Variants in RABGAP1L observed in about 807,000 individuals in gnomAD.
RABGAP1L encodes RAB GTPase activating protein 1 like, also known as rab GTPase-activating protein 1-like.
Under a neutral mutation model 137.7 loss-of-function variants are expected in RABGAP1L, and 63 were observed. The ratio of observed to expected loss-of-function variants is 0.46; its 90% CI spans 0.37 to 0.56. The LOEUF is 0.56. Ranked by LOEUF, RABGAP1L falls within the 20% of genes least tolerant of loss-of-function variation. The pLI, the probability that RABGAP1L is intolerant of heterozygous loss-of-function variation, is 0.00. For missense variants in RABGAP1L, 1,095 were observed against 1,244.0 expected (o/e 0.88, Z 1.80); for synonymous variants, 431 against 433.7 (o/e 0.99, Z 0.08).
At chr1:174,269,854 A>G (rs1331226591) in intron 7 of RABGAP1L, among the ~76,000 whole-genome samples, 1 of 152,104 alleles carries the variant, frequency 6.6e-6, no homozygotes, top group Non-Finnish European at 1.5e-5. Flanking sequence ...TGGGATAGCA[A>G]TTTGCTTTTT....
chr1:174,990,133 T>C lies in RABGAP1L; in HGVS notation c.*132T>C. On this transcript the variant is annotated 3_prime_UTR_variant, in exon 26 of 26. Transcript: ENST00000681986. ...GCCAGAATTTTTCAGTAGCTCTCACTCTTTCTTGTATGACACTTTTCAAAG... is the reference window on the plus strand; with the variant it reads ...GCCAGAATTTTTCAGTAGCTCTCACCCTTTCTTGTATGACACTTTTCAAAG... 8.6e-7 allele frequency: 1 copy of C among 1,160,310 alleles called. No individual in the cohort carries two copies. The highest frequency in any genetic ancestry group is 1.2e-6 in the Non-Finnish European group (1 of 839,672). The allele number at this position is 1,160,310 out of a possible 1,614,324, so 71.9% of individuals were successfully genotyped here.
At chr1:174,683,929 C>T (rs1395747743) in intron 15 of RABGAP1L, among the ~76,000 whole-genome samples, 1 of 152,148 alleles carries the variant, frequency 6.6e-6, no homozygotes, top group African/African-American at 2.4e-5. Context: ...CAAGGAAGTC[C>T]TTTATCATTT....
At chr1:174,854,670 A>C (rs142712037) in intron 19 of RABGAP1L, among the ~76,000 whole-genome samples, 1 of 147,856 alleles carries the variant, frequency 6.8e-6, no homozygotes, top group Non-Finnish European at 1.5e-5. Context: ...TGAAAAAAAA[A>C]CTTTTACCTT....
At chr1:174,222,357 T>C (rs570838058) in intron 3 of RABGAP1L, among the ~76,000 whole-genome samples, 1 of 152,292 alleles carries the variant, frequency 6.6e-6, no homozygotes, top group East Asian at 1.9e-4. Context: ...AGGGTAAGTA[T>C]AGGTATAGCC....
At chr1:174,576,601 G>A (rs1668391714) in intron 13 of RABGAP1L, among the ~76,000 whole-genome samples, 1 of 152,092 alleles carries the variant, frequency 6.6e-6, no homozygotes, top group Non-Finnish European at 1.5e-5. Context: ...TTATTCCATA[G>A]CAGTAGTTTC....
At chr1:174,628,588 T>TA (rs1248406111) in intron 13 of RABGAP1L, among the ~76,000 whole-genome samples, 2 of 152,152 alleles carry the variant, frequency 1.3e-5, no homozygotes, top group Non-Finnish European at 2.9e-5. Flanking sequence ...GAGGAAACTG[T>TA]AGTTTAGCAA....
At chr1:174,590,547 G>C (rs1207807632) in intron 13 of RABGAP1L, among the ~76,000 whole-genome samples, 1 of 94,944 alleles carries the variant, frequency 1.1e-5, no homozygotes, top group Non-Finnish European at 2.0e-5. Context: ...TCCCCTTCCT[G>C]TGTCCAAGTG....
intron 18 of RABGAP1L, among the ~76,000 whole-genome samples, chr1:174,760,623 G>A (rs1467597378): frequency 6.6e-6 from 1 of 152,136 alleles, no homozygotes; most frequent in Non-Finnish European, 1.5e-5. Context: ...ATAGTGCTGC[G>A]ATGAACATGC....
chr1:174,982,140 C>CT (rs1441803428), intron 23 of RABGAP1L, among the ~76,000 whole-genome samples: 1 of 151,800 alleles, frequency 6.6e-6, no homozygotes. Context: ...CACTCTGCCA[C>CT]CTTTTTTTAA....
At chr1:174,613,254 G>A (rs1194644048) in intron 13 of RABGAP1L, among the ~76,000 whole-genome samples, 1 of 152,036 alleles carries the variant, frequency 6.6e-6, no homozygotes, top group East Asian at 1.9e-4. Context: ...CTGGTATGTT[G>A]TGTCTTTGTT....
intron 13 of RABGAP1L, among the ~76,000 whole-genome samples, chr1:174,531,435 GATAAAA>G (rs1047371281): frequency 2.6e-5 from 4 of 152,074 alleles, no homozygotes; most frequent in African/African-American, 9.7e-5. Flanking sequence ...TTCAGATTTA[GATAAAA>G]ATAGGAAAAA....
chr1:174,467,130 A>G (rs1429497655), intron 13 of RABGAP1L, among the ~76,000 whole-genome samples: 1 of 152,212 alleles, frequency 6.6e-6, no homozygotes, highest in East Asian at 1.9e-4. Context: ...ACAAATATAT[A>G]CACAGCTAGT....
At chr1:174,207,428 C>T (rs1295055219) in intron 1 of RABGAP1L, among the ~76,000 whole-genome samples, 1 of 152,120 alleles carries the variant, frequency 6.6e-6, no homozygotes, top group Admixed American at 6.6e-5. Context: ...TTTGTTATAG[C>T]ACACTGCTGC....
intron 13 of RABGAP1L, among the ~76,000 whole-genome samples, chr1:174,615,638 G>A (rs1223423638): frequency 1.3e-5 from 2 of 152,238 alleles, no homozygotes; most frequent in Non-Finnish European, 2.9e-5. Flanking sequence ...AGTCTGTGGA[G>A]GTTACTGCTG....
chr1:174,813,868 T>C (rs1339764849), intron 19 of RABGAP1L, among the ~76,000 whole-genome samples: 1 of 152,186 alleles, frequency 6.6e-6, no homozygotes, highest in East Asian at 1.9e-4. Flanking sequence ...TATTGTAAAT[T>C]GGGTCAATGT....
chr1:174,547,744 T>A, intron 13 of RABGAP1L: 1 of 1,070,014 alleles, frequency 9.3e-7, no homozygotes. Flanking sequence ...GGATATGGAG[T>A]CATTGTATTT....
At chr1:174,626,904 A>G (rs191349292) in intron 13 of RABGAP1L, among the ~76,000 whole-genome samples, 2 of 152,348 alleles carry the variant, frequency 1.3e-5, no homozygotes, top group East Asian at 3.9e-4. Context: ...ATCATCCAAC[A>G]TAGAACTAAA....
At position 174,848,518 on chromosome 1, in the gene RABGAP1L, G is replaced by C. The variant is rs1032579866; in HGVS notation, c.2340+36558G>C. On this transcript the variant is annotated intron_variant, in intron 19 of 25. Transcript: ENST00000681986. ...GGTGTCAGTTTGCCCCTGCTGGGGG[G>C]TGCCTCCCAGTTAGGCTGCTCGGGG... 1.3e-4 allele frequency among the ~76,000 whole-genome samples: 20 copies of C among 149,388 alleles called. 2 individuals are homozygous for C. The highest frequency in any genetic ancestry group is 4.0e-4 in the African/African-American group (16 of 39,532).
intron 13 of RABGAP1L, among the ~76,000 whole-genome samples, chr1:174,455,779 C>T (rs974501437): frequency 2.0e-5 from 3 of 152,172 alleles, no homozygotes; most frequent in African/African-American, 4.8e-5. Flanking sequence ...ACACTTATAA[C>T]GCTTTTGAAC....
Sources: allele counts gnomAD v4.1 joint callset (sites outside exome capture counted in the v4.1 genomes callset), GRCh38; gene constraint gnomAD v4.1.1; transcripts MANE v1.5; gene names NCBI Gene and HGNC (gene_info 2026-07-23, HGNC 2026-07-21).